The following TBC1D22A variants were observed in gnomAD, a reference collection of about 807,000 sequenced individuals.
The protein encoded by TBC1D22A is putative GTPase activator.
TBC1D22A carries 38 observed loss-of-function variants against 60.2 expected under a neutral mutation model. That is an observed-to-expected ratio of 0.63 (90% CI 0.49 to 0.83). The LOEUF is 0.83. TBC1D22A is among the 40% of genes least tolerant of loss of function. TBC1D22A has a pLI of 0.00. For synonymous variants in TBC1D22A, 302 were observed against 281.7 expected (o/e 1.07, Z -0.72); for missense variants, 628 against 701.0 (o/e 0.90, Z 1.18).
intron 8 of TBC1D22A, among the ~76,000 whole-genome samples, chr22:46,943,799 C>G (rs768774838): frequency 1.3e-5 from 2 of 152,234 alleles, no homozygotes; most frequent in Non-Finnish European, 2.9e-5. Flanking sequence ...ATGTTCACAG[C>G]ATCCTACGGC....
At chr22:47,118,691 GC>G (rs2066160677) in intron 12 of TBC1D22A, among the ~76,000 whole-genome samples, 1 of 152,124 alleles carries the variant, frequency 6.6e-6, no homozygotes, top group Non-Finnish European at 1.5e-5. Context: ...TCTTAGAGGG[GC>G]AGTTGGAAAT....
intron 11 of TBC1D22A, among the ~76,000 whole-genome samples, chr22:47,055,036 T>G (rs928314605): frequency 2.6e-5 from 4 of 152,156 alleles, no homozygotes; most frequent in Non-Finnish European, 5.9e-5. Flanking sequence ...CTTAGCCGCT[T>G]CTTTCTTGCC....
chr22:47,072,143 C>A (rs907083652), intron 11 of TBC1D22A, among the ~76,000 whole-genome samples: 1 of 152,182 alleles, frequency 6.6e-6, no homozygotes, highest in East Asian at 1.9e-4. Context: ...ATGGCCAGGA[C>A]GCTGGTGGGC....
chr22:46,762,899 G>A, intron 1 of TBC1D22A, 51 bp downstream of exon 1: 1 of 1,453,662 alleles, frequency 6.9e-7, no homozygotes, highest in Non-Finnish European at 9.1e-7. Flanking sequence ...GAGGTCAGGT[G>A]GCCGCGTTGG....
chr22:46,945,620 G>A (rs781002585), intron 8 of TBC1D22A, among the ~76,000 whole-genome samples: 1 of 152,216 alleles, frequency 6.6e-6, no homozygotes, highest in Non-Finnish European at 1.5e-5. Flanking sequence ...AGGGGGTTAA[G>A]GCTGTGTCCT....
intron 1 of TBC1D22A, 84 bp downstream of exon 1, chr22:46,762,932 C>A: frequency 7.5e-7 from 1 of 1,341,084 alleles, no homozygotes. Flanking sequence ...CGGGTGGAGT[C>A]GGGGGTCTGG....
At chr22:46,888,122 C>T (rs1372869357) in intron 5 of TBC1D22A, among the ~76,000 whole-genome samples, 1 of 152,238 alleles carries the variant, frequency 6.6e-6, no homozygotes, top group Non-Finnish European at 1.5e-5. Context: ...CACTTTCATT[C>T]ACAGCAGCAG....
chr22:46,896,185 G>A (rs534820392), intron 7 of TBC1D22A, among the ~76,000 whole-genome samples: 4 of 152,224 alleles, frequency 2.6e-5, no homozygotes, highest in Non-Finnish European at 4.4e-5. Flanking sequence ...TGTTCCTCCT[G>A]CCTTTTGCCC....
intron 4 of TBC1D22A, among the ~76,000 whole-genome samples, chr22:46,808,549 T>TGTGTGTG (rs1278641912): frequency 6.6e-6 from 1 of 152,078 alleles, no homozygotes; most frequent in Non-Finnish European, 1.5e-5. Flanking sequence ...CTGATGTTAT[T>TGTGTGTG]GTGTGTGGTG....
At chr22:46,881,895 G>GT (rs780883606) in intron 5 of TBC1D22A, among the ~76,000 whole-genome samples, 82 of 152,312 alleles carry the variant, frequency 5.4e-4, no homozygotes, top group South Asian at 2.3e-3. Flanking sequence ...TGGGCCTTCT[G>GT]TAAGAGGAGA....
At chr22:46,780,933 TG>T (rs1158826478) in intron 1 of TBC1D22A, among the ~76,000 whole-genome samples, 1 of 152,228 alleles carries the variant, frequency 6.6e-6, no homozygotes, top group Non-Finnish European at 1.5e-5. Context: ...TTTTGTTTAT[TG>T]TTTTTTTAAA....
chr22:47,166,674 C>T (rs369320957), intron 12 of TBC1D22A, among the ~76,000 whole-genome samples: 20 of 152,362 alleles, frequency 1.3e-4, no homozygotes, highest in East Asian at 5.8e-4. Context: ...CATACATGTA[C>T]GCCCTGCAGG....
intron 1 of TBC1D22A, among the ~76,000 whole-genome samples, chr22:46,785,499 T>C (rs12483805): frequency 0.02 from 2,985 of 152,288 alleles, 83 homozygotes; most frequent in Admixed American, 0.059. Context: ...ATGCAGTGGT[T>C]TTTTTAGTGT....
At chr22:47,129,250 C>T (rs561295394) in intron 12 of TBC1D22A, among the ~76,000 whole-genome samples, 15 of 152,262 alleles carry the variant, frequency 9.9e-5, no homozygotes, top group African/African-American at 2.6e-4. Flanking sequence ...AGGCCAAGGC[C>T]GGCAGATCAC....
At chr22:47,110,256 G>C (rs2065798419) in intron 11 of TBC1D22A, among the ~76,000 whole-genome samples, 1 of 152,126 alleles carries the variant, frequency 6.6e-6, no homozygotes, top group African/African-American at 2.4e-5. Context: ...GAGGCGAGTG[G>C]ATCACCGGAG....
chr22:46,993,139 T>G (rs1357953452), intron 9 of TBC1D22A, among the ~76,000 whole-genome samples: 1 of 152,208 alleles, frequency 6.6e-6, no homozygotes, highest in African/African-American at 2.4e-5. Flanking sequence ...CCAGGTGAGC[T>G]GATAGGAATT....
intron 12 of TBC1D22A, among the ~76,000 whole-genome samples, chr22:47,152,226 CA>C (rs1408637559): frequency 6.6e-6 from 1 of 152,342 alleles, no homozygotes; most frequent in East Asian, 1.9e-4. Flanking sequence ...TTGACCAATA[CA>C]AGGTTATATC....
chr22:46,884,724 A>G (rs961896600), intron 5 of TBC1D22A, among the ~76,000 whole-genome samples: 21 of 152,354 alleles, frequency 1.4e-4, no homozygotes, highest in African/African-American at 5.0e-4. Context: ...ATTTACAAAA[A>G]TGGGTGGGCA....
intron 4 of TBC1D22A, among the ~76,000 whole-genome samples, chr22:46,842,812 G>A (rs536913878): frequency 4.7e-4 from 72 of 152,248 alleles, no homozygotes; most frequent in Non-Finnish European, 6.6e-4. Flanking sequence ...GCCCTGACAG[G>A]TAGGGATGTT....
Sources: gnomAD v4.1 joint callset for allele counts (sites outside exome capture counted in the v4.1 genomes callset) on GRCh38, gnomAD v4.1.1 for gene constraint, MANE v1.5 for transcripts, NCBI Gene and HGNC (gene_info 2026-07-23, HGNC 2026-07-21) for gene names.